Variants in NEBL observed in about 807,000 individuals in gnomAD.
NEBL encodes the protein LIM and SH3 protein 2.
In NEBL, 122 loss-of-function variants were observed where a neutral mutation model predicts 140.2. That is an observed-to-expected ratio of 0.87 (90% CI 0.75 to 1.01). NEBL has a LOEUF of 1.01. Among genes scored for constraint, NEBL ranks in the 50% least tolerant of loss-of-function variants. The pLI, the probability that NEBL is intolerant of heterozygous loss-of-function variation, is 0.00. For missense variants in NEBL, 1,365 were observed against 1,231.3 expected (o/e 1.11, Z -1.62); for synonymous variants, 436 against 398.9 (o/e 1.09, Z -1.11).
At chr10:21,008,013 A>G (rs1211547795) in intron 3 of NEBL, among the ~76,000 whole-genome samples, 1 of 152,170 alleles carries the variant, frequency 6.6e-6, no homozygotes, top group Non-Finnish European at 1.5e-5. Flanking sequence ...ATTAAATCAT[A>G]CTTAGCCATT....
intron 2 of NEBL, among the ~76,000 whole-genome samples, chr10:21,166,829 T>C (rs931465907): frequency 6.6e-6 from 1 of 152,220 alleles, no homozygotes; most frequent in Non-Finnish European, 1.5e-5. Context: ...GCTAACTTCA[T>C]AGCAGGAATT....
At chr10:21,103,032 G>A (rs774343992) in intron 2 of NEBL, among the ~76,000 whole-genome samples, 12 of 137,988 alleles carry the variant, frequency 8.7e-5, no homozygotes, top group Admixed American at 1.7e-4. Context: ...TTGTGTCCAT[G>A]GCACACATAT....
chr10:21,089,122 AAAG>A (rs1349814185), intron 2 of NEBL, among the ~76,000 whole-genome samples: 1 of 152,170 alleles, frequency 6.6e-6, no homozygotes, highest in Non-Finnish European at 1.5e-5. Context: ...TGTGGGAATT[AAAG>A]AAGAAGCAGT....
At chr10:20,819,885 C>T (rs1839123029) in intron 19 of NEBL, among the ~76,000 whole-genome samples, 1 of 152,030 alleles carries the variant, frequency 6.6e-6, no homozygotes, top group African/African-American at 2.4e-5. Flanking sequence ...CCACCACACC[C>T]AACCCTTATC....
chr10:20,904,279 T>C (rs1847998612), intron 4 of NEBL, among the ~76,000 whole-genome samples: 1 of 152,192 alleles, frequency 6.6e-6, no homozygotes, highest in Non-Finnish European at 1.5e-5. Flanking sequence ...TATTTGTAAA[T>C]GCATTTCAGC....
chr10:21,144,819 G>C (rs540893056), intron 2 of NEBL, among the ~76,000 whole-genome samples: 77 of 152,178 alleles, frequency 5.1e-4, no homozygotes, highest in African/African-American at 1.8e-3. Context: ...ACTGTAACTA[G>C]CTATTCACGT....
chr10:21,196,086 C>T (rs1841642662), intron 3 of NEBL, among the ~76,000 whole-genome samples: 1 of 152,096 alleles, frequency 6.6e-6, no homozygotes, highest in Non-Finnish European at 1.5e-5. Context: ...TCACTGCAAC[C>T]TCTGACTCCC....
intron 26 of NEBL, among the ~76,000 whole-genome samples, chr10:20,801,602 A>T (rs1837125580): frequency 6.6e-6 from 1 of 152,086 alleles, no homozygotes; most frequent in South Asian, 2.1e-4. Flanking sequence ...GCTCTCTAAA[A>T]ACAGTACCCG....
In NEBL at chr10:21,252,132, G is replaced by A. The variant is rs954626371; in HGVS notation, n.183-304C>T. On this transcript the variant is annotated intron_variant and non_coding_transcript_variant, in intron 1 of 8. Coordinates refer to the NEBL transcript ENST00000675702. ...AGCCTTGGCTTATAGAAAAGTCTCC[G>A]GCTTTTGAAGTATTAAAGGGAGCTT... is the stretch of plus-strand genomic sequence containing the variant. Among the ~76,000 whole-genome samples the A allele has an allele frequency of 4.6e-5, 7 of 152,120 alleles. No homozygotes were observed. In the East Asian group the frequency reaches 5.8e-4, roughly 13 times the overall value.
intron 4 of NEBL, among the ~76,000 whole-genome samples, chr10:20,930,368 C>A (rs1834124419): frequency 6.6e-6 from 1 of 152,220 alleles, no homozygotes; most frequent in East Asian, 1.9e-4. Context: ...TCTATGGCCA[C>A]CAGCTTAGTC....
chr10:21,119,816 C>T (rs1248049463), intron 2 of NEBL, among the ~76,000 whole-genome samples: 1 of 152,076 alleles, frequency 6.6e-6, no homozygotes, highest in Non-Finnish European at 1.5e-5. Flanking sequence ...AGCTATTTCC[C>T]TGATCCAGGA....
intron 2 of NEBL, among the ~76,000 whole-genome samples, chr10:21,137,545 G>A (rs1056733865): frequency 6.6e-6 from 1 of 152,152 alleles, no homozygotes; most frequent in African/African-American, 2.4e-5. Flanking sequence ...TGCCCCATTA[G>A]GTTTTCAGTC....
At chr10:20,823,515 A>C (rs921052323) in intron 18 of NEBL, among the ~76,000 whole-genome samples, 4 of 152,112 alleles carry the variant, frequency 2.6e-5, no homozygotes, top group African/African-American at 9.7e-5. Context: ...CTTATTCATC[A>C]CTATAGGAGT....
intron 2 of NEBL, among the ~76,000 whole-genome samples, chr10:21,095,642 G>T (rs1214259497): frequency 6.6e-6 from 1 of 152,172 alleles, no homozygotes; most frequent in African/African-American, 2.4e-5. Context: ...GAAGGTTTTT[G>T]AAATCAATTC....
At chr10:21,118,650 T>C (rs913159816) in intron 2 of NEBL, among the ~76,000 whole-genome samples, 2 of 152,168 alleles carry the variant, frequency 1.3e-5, no homozygotes, top group African/African-American at 4.8e-5. Flanking sequence ...ATTTGTTAGA[T>C]GTATTTAGAC....
At position 20,809,863 on chromosome 10, in the gene NEBL, A is replaced by T; in HGVS notation, c.2554T>A (p.Phe852Ile). 6.2e-7 allele frequency: 1 copy of T among 1,612,478 alleles called. No individual in the cohort carries two copies. The highest frequency in any genetic ancestry group is 8.5e-7 in the Non-Finnish European group (1 of 1,179,270). Residue 852 changes from phenylalanine to isoleucine, a missense_variant, in exon 25 of 28, where the codon TTC becomes ATC. This residue lies in a region of NEBL where 1,323 missense variants were observed against 1,154.8 expected (regional missense o/e 1.15). Transcript: ENST00000377122. ...TTGTCTTCCAGGGGATCAAGGTCGA[A>T]GATGGAGCCAGGATCTGTGCGCCAA... ...KVWRTDPGSI[F>I]DLDPLEDNIQ...
At chr10:20,834,368 T>A (rs1246859048) in intron 14 of NEBL, among the ~76,000 whole-genome samples, 1 of 152,108 alleles carries the variant, frequency 6.6e-6, no homozygotes, top group Non-Finnish European at 1.5e-5. Context: ...GGTTTTCAAG[T>A]TCCTCATGCT....
intron 4 of NEBL, among the ~76,000 whole-genome samples, chr10:20,909,114 T>C (rs1848221879): frequency 6.7e-6 from 1 of 148,972 alleles, no homozygotes; most frequent in Non-Finnish European, 1.5e-5. Flanking sequence ...GAATGGGGCA[T>C]CCATCCCCTC....
intron 3 of NEBL, among the ~76,000 whole-genome samples, chr10:21,239,749 G>T (rs1842412343): frequency 6.6e-6 from 1 of 152,168 alleles, no homozygotes; most frequent in South Asian, 2.1e-4. Context: ...AGGGCGCGGT[G>T]GCTCACGCCT....
Sources: allele counts gnomAD v4.1 joint callset (sites outside exome capture counted in the v4.1 genomes callset), GRCh38; gene constraint gnomAD v4.1.1; regional missense constraint gnomAD v4.1.1; transcripts MANE v1.5; gene names NCBI Gene and HGNC (gene_info 2026-07-23, HGNC 2026-07-21).